GREB1L: variants seen among roughly 807,000 people sequenced by gnomAD.
GREB1L encodes the protein GREB1 like retinoic acid receptor coactivator.
GREB1L carries 17 observed loss-of-function variants against 200.8 expected under a neutral mutation model. The ratio of observed to expected loss-of-function variants is 0.08; its 90% confidence interval spans 0.06 to 0.13. The LOEUF is 0.13. Ranked by LOEUF, GREB1L falls within the 10% of genes least tolerant of loss-of-function variation. The pLI is 1.00. For missense variants in GREB1L, 1,657 were observed against 2,367.7 expected (o/e 0.70, Z 6.23); for synonymous variants, 789 against 893.0 (o/e 0.88, Z 2.08).
At chr18:21,484,384 A>G (rs892117164) in intron 17 of GREB1L, among the ~76,000 whole-genome samples, 2 of 152,096 alleles carry the variant, frequency 1.3e-5, no homozygotes, top group East Asian at 3.9e-4. Context: ...CATATTGGCC[A>G]GGCTGGTCTC....
chr18:21,507,747 G>A (rs1598946448), intron 25 of GREB1L, among the ~76,000 whole-genome samples: 1 of 152,208 alleles, frequency 6.6e-6, no homozygotes, highest in East Asian at 1.9e-4. Flanking sequence ...GAGCAGAAGT[G>A]TTTCCCTCCG....
chr18:21,347,461 CTTT>C (rs1167550131), intron 1 of GREB1L, among the ~76,000 whole-genome samples: 1 of 144,954 alleles, frequency 6.9e-6, no homozygotes, highest in Admixed American at 7.0e-5. Flanking sequence ...TTGCTTCACT[CTTT>C]TTTTTTTTTG....
intron 11 of GREB1L, among the ~76,000 whole-genome samples, chr18:21,445,226 A>G (rs887096971): frequency 2.0e-5 from 3 of 152,222 alleles, no homozygotes; most frequent in East Asian, 1.9e-4. Flanking sequence ...CGTGATCCCA[A>G]CACTTTGGGA....
intron 1 of GREB1L, among the ~76,000 whole-genome samples, chr18:21,361,932 G>T (rs1433129610): frequency 6.6e-6 from 1 of 152,100 alleles, no homozygotes; most frequent in Non-Finnish European, 1.5e-5. Context: ...GAATGATGTG[G>T]TAGTTTTGGA....
chr18:21,387,510 T>A (rs2040593338), intron 4 of GREB1L: 1 of 152,258 alleles, frequency 6.6e-6, no homozygotes, highest in Non-Finnish European at 1.5e-5. Context: ...ATCACTAACT[T>A]ACGTTTCTTT....
chr18:21,415,122 A>G (rs1472924826), intron 7 of GREB1L, among the ~76,000 whole-genome samples: 1 of 152,156 alleles, frequency 6.6e-6, no homozygotes, highest in Non-Finnish European at 1.5e-5. Flanking sequence ...CTGCACAAAG[A>G]AGAGAGAAAC....
chr18:21,466,218 T>C lies in GREB1L; in HGVS notation c.2183-6813T>C, dbSNP rs534797356. On this transcript the variant is annotated intron_variant, in intron 15 of 32. Coordinates refer to ENST00000424526, the MANE Select transcript of GREB1L (RefSeq NM_001142966.3). ...TTCTACTACTGATGTACATTTGTAA[T>C]GTTTCTAGTTTTTTGATTCCTTCAA... is the stretch of plus-strand genomic sequence containing the variant. 1.9e-4 allele frequency among the ~76,000 whole-genome samples: 29 copies of C among 152,270 alleles called. No individual in the cohort carries two copies. In the East Asian group the frequency reaches 4.6e-3, roughly 24 times the overall value.
chr18:21,328,660 A>ATG (rs138319378), intron 1 of GREB1L, among the ~76,000 whole-genome samples: 159 of 151,746 alleles, frequency 1.0e-3, no homozygotes, highest in African/African-American at 3.5e-3. Context: ...TGATACGTGC[A>ATG]TGTGTGTGTG....
intron 18 of GREB1L, among the ~76,000 whole-genome samples, chr18:21,487,253 A>T (rs2036162966): frequency 2.0e-5 from 3 of 152,158 alleles, no homozygotes; most frequent in Admixed American, 2.0e-4. Flanking sequence ...TCAACTTTCT[A>T]TTGTAGTTTT....
At chr18:21,462,497 T>C (rs1484386007) in intron 15 of GREB1L, among the ~76,000 whole-genome samples, 1 of 152,254 alleles carries the variant, frequency 6.6e-6, no homozygotes, top group Non-Finnish European at 1.5e-5. Context: ...TCACCCAGGC[T>C]GGAGTGCAGT....
In GREB1L at chr18:21,440,317, A is replaced by G. The variant is rs2033828356; in HGVS notation, c.998A>G (p.Tyr333Cys). 3 of 1,551,428 alleles carry G rather than the reference A, an allele frequency of 1.9e-6. No individual in the cohort carries two copies. Among genetic ancestry groups the G allele is most frequent in the African/African-American group, 1.4e-5 (1 of 73,036 alleles). ...CCAAAGAAACGACACCGGGGATGGT[A>G]TCCTGGGTCACCTCTCCCCCAACCT... Reference protein sequence around the residue: ...GPPKKRHRGWYPGSPLPQPGL... With the variant: ...GPPKKRHRGWCPGSPLPQPGL... Residue 333 changes from tyrosine to cysteine, a missense_variant, in exon 9 of 33, where the codon TAT (tyrosine) becomes TGT (cysteine). Around this residue, in one of 9 missense-constraint regions of GREB1L, gnomAD observed 289 missense variants for 345.1 expected, o/e 0.84. Transcript: ENST00000424526.
chr18:21,248,619 G>A (rs914689254), intron 1 of GREB1L, among the ~76,000 whole-genome samples: 2 of 152,154 alleles, frequency 1.3e-5, no homozygotes, highest in African/African-American at 4.8e-5. Context: ...TAAATAAATG[G>A]TTGTTCTTAT....
At position 21,496,619 on chromosome 18, in the gene GREB1L, C is replaced by T; in HGVS notation, c.3312C>T (p.Val1104=). The change falls in exon 21 of 33, where the codon GTC becomes GTT. Residue 1104 remains valine, a synonymous_variant. Coordinates refer to ENST00000424526, the MANE Select transcript of GREB1L (RefSeq NM_001142966.3). ...LSGKEQERAA[V]SENDSDELLI... is the part of the protein sequence containing the mutation. ...GGAAGGAGCAGGAGAGAGCTGCTGTCAGTGAGAATGACTCCGATGAGCTGC... is the reference window on the plus strand; with the variant it reads ...GGAAGGAGCAGGAGAGAGCTGCTGTTAGTGAGAATGACTCCGATGAGCTGC... The T allele has an allele frequency of 6.4e-7, 1 of 1,551,684 alleles. No homozygotes were observed. The highest frequency in any genetic ancestry group is 8.7e-7 in the Non-Finnish European group (1 of 1,146,994).
chr18:21,415,005 G>A (rs2031486129), intron 7 of GREB1L, among the ~76,000 whole-genome samples: 1 of 152,196 alleles, frequency 6.6e-6, no homozygotes, highest in Non-Finnish European at 1.5e-5. Context: ...GATATAGGGA[G>A]AGGAAAGTGG....
At chr18:21,248,783 C>G (rs573737160) in intron 1 of GREB1L, among the ~76,000 whole-genome samples, 1 of 152,228 alleles carries the variant, frequency 6.6e-6, no homozygotes, top group South Asian at 2.1e-4. Context: ...TATATACAAC[C>G]AAAGATTCAG....
At position 21,361,667 on chromosome 18, in the gene GREB1L, A is replaced by AT. The variant is rs544839465; in HGVS notation, c.-119-4351dup. ...CCCTTTTAGGGTTTCATTTTGATGG[A>AT]TTTTTTTTTCCTGTGTGGATTTCTG... On this transcript the variant is annotated intron_variant, in intron 1 of 32. Transcript: ENST00000424526. 4.6e-3 allele frequency among the ~76,000 whole-genome samples: 694 copies of AT among 149,736 alleles called. 3 individuals carry two copies. The highest frequency in any genetic ancestry group is 0.014 in the Middle Eastern group (4 of 288).
At chr18:21,443,045 G>A (rs1345424549) in intron 10 of GREB1L, among the ~76,000 whole-genome samples, 4 of 151,364 alleles carry the variant, frequency 2.6e-5, no homozygotes, top group Admixed American at 1.3e-4. Flanking sequence ...CTGAGATTAC[G>A]AGCGTGCACC....
At chr18:21,328,655 C>A (rs999087211) in intron 1 of GREB1L, among the ~76,000 whole-genome samples, 2 of 151,996 alleles carry the variant, frequency 1.3e-5, no homozygotes, top group Admixed American at 6.6e-5. Context: ...GCATCTGATA[C>A]GTGCATGTGT....
At chr18:21,460,085 A>G (rs1350321176) in intron 15 of GREB1L, among the ~76,000 whole-genome samples, 2 of 152,070 alleles carry the variant, frequency 1.3e-5, no homozygotes, top group Non-Finnish European at 1.5e-5. Context: ...CATATACAAC[A>G]TGTTCTCACT....
Sources: gnomAD v4.1 joint callset for allele counts (sites outside exome capture counted in the v4.1 genomes callset) on GRCh38, gnomAD v4.1.1 for gene constraint, gnomAD v4.1.1 regional missense constraint, MANE v1.5 for transcripts, NCBI Gene and HGNC (gene_info 2026-07-23, HGNC 2026-07-21) for gene names.